Variants in PDIA5 observed in about 807,000 individuals in gnomAD.
PDIA5 encodes protein disulfide-isomerase A5.
A neutral mutation model predicts 77.6 loss-of-function variants in PDIA5; 58 were observed. The observed-to-expected ratio is 0.75, with a 90% CI of 0.61 to 0.93. The LOEUF is 0.93. Among genes scored for constraint, PDIA5 ranks in the 40% least tolerant of loss-of-function variants. The pLI, the probability that PDIA5 is intolerant of heterozygous loss-of-function variation, is 0.00. For missense variants in PDIA5, 630 were observed against 647.7 expected (o/e 0.97, Z 0.30); for synonymous variants, 250 against 252.1 (o/e 0.99, Z 0.08).
At chr3:123,132,992 A>G (rs1935405929) in intron 11 of PDIA5, among the ~76,000 whole-genome samples, 1 of 152,220 alleles carries the variant, frequency 6.6e-6, no homozygotes, top group African/African-American at 2.4e-5. Context: ...ACTGCCCGTC[A>G]ATGTTCCTGT....
At chr3:123,099,722 C>A (rs1003138217) in intron 3 of PDIA5, among the ~76,000 whole-genome samples, 1 of 152,196 alleles carries the variant, frequency 6.6e-6, no homozygotes, top group African/African-American at 2.4e-5. Flanking sequence ...TTGCCTGGGC[C>A]CTCAGGGAAC....
chr3:123,139,261 A>C (rs1258758432), intron 11 of PDIA5, among the ~76,000 whole-genome samples: 1 of 152,174 alleles, frequency 6.6e-6, no homozygotes, highest in African/African-American at 2.4e-5. Flanking sequence ...TCCCACAGCC[A>C]GGGACATCAT....
chr3:123,078,688 G>T (rs1379339042), intron 1 of PDIA5, among the ~76,000 whole-genome samples: 1 of 152,166 alleles, frequency 6.6e-6, no homozygotes, highest in Admixed American at 6.5e-5. Context: ...GGTAGTATTT[G>T]ATTCAGGACC....
intron 5 of PDIA5, among the ~76,000 whole-genome samples, chr3:123,105,100 G>A (rs752619018): frequency 2.4e-4 from 37 of 152,240 alleles, no homozygotes; most frequent in Non-Finnish European, 4.3e-4. Flanking sequence ...GGGGAGGAGG[G>A]CTGGGCGTGG....
At chr3:123,072,247 C>T (rs1252826104) in intron 1 of PDIA5, among the ~76,000 whole-genome samples, 1 of 152,198 alleles carries the variant, frequency 6.6e-6, no homozygotes, top group Non-Finnish European at 1.5e-5. Context: ...GCTAGACACT[C>T]AGGAGCTGCG....
chr3:123,139,118 A>G (rs1295828342), intron 11 of PDIA5, among the ~76,000 whole-genome samples: 4 of 152,196 alleles, frequency 2.6e-5, no homozygotes, highest in South Asian at 2.1e-4. Context: ...GAGTAAGTGC[A>G]CTTACACAGA....
At chr3:123,072,041 C>A (rs566940847) in intron 1 of PDIA5, among the ~76,000 whole-genome samples, 1 of 146,850 alleles carries the variant, frequency 6.8e-6, no homozygotes, top group Non-Finnish European at 1.5e-5. Flanking sequence ...GTGGGGGACT[C>A]GATTCTGTAG....
intron 3 of PDIA5, among the ~76,000 whole-genome samples, chr3:123,096,177 TC>T (rs1441921485): frequency 6.6e-6 from 1 of 151,828 alleles, no homozygotes; most frequent in African/African-American, 2.4e-5. Context: ...AGTCCAGGAC[TC>T]CCCCTGCACC....
intron 5 of PDIA5, among the ~76,000 whole-genome samples, chr3:123,105,817 T>C (rs755908969): frequency 1.3e-5 from 2 of 152,030 alleles, no homozygotes; most frequent in African/African-American, 4.8e-5. Context: ...TTGACAGAAG[T>C]AACAGAATCT....
chr3:123,092,867 A>T (rs1305280704), intron 3 of PDIA5, among the ~76,000 whole-genome samples: 2 of 152,056 alleles, frequency 1.3e-5, no homozygotes, highest in African/African-American at 4.8e-5. Flanking sequence ...AACCCAGGAC[A>T]TTACCACTAG....
At chr3:123,109,473 G>T (rs1281195447) in intron 6 of PDIA5, among the ~76,000 whole-genome samples, 2 of 151,986 alleles carry the variant, frequency 1.3e-5, no homozygotes, top group Non-Finnish European at 2.9e-5. Flanking sequence ...AAATATCTTG[G>T]TTACTAATTT....
intron 3 of PDIA5, among the ~76,000 whole-genome samples, 173 bp downstream of exon 3, chr3:123,092,615 G>T (rs1329591780): frequency 6.6e-6 from 1 of 152,168 alleles, no homozygotes; most frequent in African/African-American, 2.4e-5. Flanking sequence ...AGTGGTGTCT[G>T]GCTTTCCACC....
intron 11 of PDIA5, 40 bp downstream of exon 11, chr3:123,130,656 TCTC>T: frequency 6.2e-7 from 1 of 1,606,406 alleles, no homozygotes. Flanking sequence ...CACCCTCCCC[TCTC>T]TCAGAGTAGG....
chr3:123,136,999 C>T (rs1392654267), intron 11 of PDIA5, among the ~76,000 whole-genome samples: 1 of 152,152 alleles, frequency 6.6e-6, no homozygotes, highest in African/African-American at 2.4e-5. Context: ...TTTCACTATT[C>T]AAACAATACA....
At position 123,132,150 on chromosome 3, in the gene PDIA5, G is replaced by A. The variant is rs571591969; in HGVS notation, c.910+1534G>A. 5.5e-4 allele frequency among the ~76,000 whole-genome samples: 84 copies of A among 152,220 alleles called. 1 individual carries two copies. The highest frequency in any genetic ancestry group is 1.6e-3 in the Admixed American group (24 of 15,304). On this transcript the variant is annotated intron_variant, in intron 11 of 16. Coordinates refer to ENST00000316218, the MANE Select transcript of PDIA5 (RefSeq NM_006810.4). ...TTAGCCCCATTTTACAGATGAGACC[G>A]TCACACAGAGAAATGACATAGACCA...
At position 123,110,938 on chromosome 3, in the gene PDIA5, C is replaced by A; in HGVS notation, c.481-6C>A. Reference sequence around the variant, plus strand: ...GAGCTGCTGGTATTCTCTTTTTGTGCCTCAGGACTTCAGACGGCTCCTGAA... The same window carrying A: ...GAGCTGCTGGTATTCTCTTTTTGTGACTCAGGACTTCAGACGGCTCCTGAA... On this transcript the variant is annotated splice_polypyrimidine_tract_variant and splice_region_variant and intron_variant, in intron 6 of 16. Transcript: ENST00000316218. 1 of 1,612,694 alleles carries A rather than the reference C, an allele frequency of 6.2e-7. No homozygotes were observed.
intron 1 of PDIA5, among the ~76,000 whole-genome samples, chr3:123,071,781 A>C (rs865881999): frequency 1.1e-4 from 17 of 152,282 alleles, no homozygotes; most frequent in Non-Finnish European, 1.6e-4. Flanking sequence ...GCTCTGTGAC[A>C]GCAGGGAGCC....
intron 13 of PDIA5, among the ~76,000 whole-genome samples, chr3:123,147,359 C>T (rs1935795416): frequency 6.6e-6 from 1 of 152,164 alleles, no homozygotes; most frequent in Non-Finnish European, 1.5e-5. Context: ...GATATAGTCA[C>T]ATTCTGAGAT....
At chr3:123,079,267 G>T (rs1370559840) in intron 1 of PDIA5, among the ~76,000 whole-genome samples, 1 of 134,752 alleles carries the variant, frequency 7.4e-6, no homozygotes, top group Non-Finnish European at 1.5e-5. Context: ...TGCAAGCTCC[G>T]CCTCCTGGGT....
Sources: gnomAD v4.1 joint callset for allele counts (sites outside exome capture counted in the v4.1 genomes callset) on GRCh38, gnomAD v4.1.1 for gene constraint, MANE v1.5 for transcripts, NCBI Gene and HGNC (gene_info 2026-07-23, HGNC 2026-07-21) for gene names.